The following VDAC1 variants were observed in gnomAD, a reference collection of about 807,000 sequenced individuals.
The protein encoded by VDAC1 is voltage dependent anion channel 1, also known as non-selective voltage-gated ion channel VDAC1.
VDAC1 carries 10 observed loss-of-function variants against 34.7 expected under a neutral mutation model. The observed-to-expected ratio is 0.29, with a 90% CI of 0.18 to 0.49. VDAC1 has a LOEUF of 0.49. Ranked by LOEUF, VDAC1 falls within the 20% of genes least tolerant of loss-of-function variation. VDAC1 has a pLI of 0.99. For missense variants in VDAC1, 230 were observed against 347.9 expected (o/e 0.66, Z 2.69); for synonymous variants, 130 against 136.0 (o/e 0.96, Z 0.30).
chr5:133,985,217 T>C (rs565111114), intron 5 of VDAC1, among the ~76,000 whole-genome samples: 22 of 152,220 alleles, frequency 1.4e-4, no homozygotes, highest in African/African-American at 5.1e-4. Flanking sequence ...CCCTCAGCAG[T>C]TGGGAGTAGG....
At chr5:134,080,177 G>A in the VDAC1 span, among the ~76,000 whole-genome samples, 2 of 152,220 alleles carry the variant, frequency 1.3e-5, no homozygotes, top group African/African-American at 2.4e-5. Context: ...ATTTGCCCTC[G>A]ATAAGAACCC....
At position 133,971,951 on chromosome 5, in the gene VDAC1, T is replaced by C. The variant is rs1752310865; in HGVS notation, c.*820A>G. On this transcript the variant is annotated 3_prime_UTR_variant, in exon 9 of 9. Transcript: ENST00000265333. ...TATTTTATTCAAGTTTTTTAAGTGT[T>C]GTTAATTACAGCATTTGAAGGGGAG... 6.5e-6 allele frequency: 1 copy of C among 152,686 alleles called. No individual in the cohort carries two copies. The highest frequency in any genetic ancestry group is 2.4e-5 in the African/African-American group (1 of 41,470). 9.5% of individuals were successfully genotyped at this position (152,686 alleles called of 1,614,324 possible).
the VDAC1 span, among the ~76,000 whole-genome samples, chr5:134,057,459 G>GT: frequency 1.4e-5 from 2 of 143,936 alleles, no homozygotes; most frequent in Non-Finnish European, 3.0e-5. Flanking sequence ...CAGCCTGGGC[G>GT]ACAGAGTGAG....
At chr5:134,070,859 C>A in the VDAC1 span, among the ~76,000 whole-genome samples, 1 of 152,156 alleles carries the variant, frequency 6.6e-6, no homozygotes, top group African/African-American at 2.4e-5. Flanking sequence ...CACGTATCTG[C>A]GATTATTTTC....
chr5:134,058,336 C>T, the VDAC1 span, among the ~76,000 whole-genome samples: 7 of 150,988 alleles, frequency 4.6e-5, no homozygotes, highest in East Asian at 2.0e-4. Context: ...TTTTTTGAGA[C>T]GGAGTCTCAC....
At chr5:134,109,007 A>T in the VDAC1 span, among the ~76,000 whole-genome samples, 2 of 152,196 alleles carry the variant, frequency 1.3e-5, no homozygotes, top group Non-Finnish European at 2.9e-5. Context: ...AGGGTTTCTG[A>T]ACCCCTGGCT....
chr5:133,973,255 CAT>C lies in VDAC1; in HGVS notation c.761-395_761-394del, dbSNP rs577447273. 2.4e-3 allele frequency among the ~76,000 whole-genome samples: 371 copies of C among 152,362 alleles called. 2 individuals are homozygous for C. Among genetic ancestry groups the C allele is most frequent in the African/African-American group, 8.3e-3 (344 of 41,586 alleles). On this transcript the variant is annotated intron_variant, in intron 8 of 8. Transcript: ENST00000265333. ...CATGTTCATGTTCATAGTGTACACA[CAT>C]GTGTAGTGTGCATGTACATCCACAG...
At chr5:134,054,965 C>A in the VDAC1 span, among the ~76,000 whole-genome samples, 1 of 152,224 alleles carries the variant, frequency 6.6e-6, no homozygotes, top group Non-Finnish European at 1.5e-5. Context: ...CCGTCCCCAC[C>A]CAGTGTAACT....
the VDAC1 span, among the ~76,000 whole-genome samples, chr5:134,015,738 G>T: frequency 6.6e-6 from 1 of 151,644 alleles, no homozygotes; most frequent in Non-Finnish European, 1.5e-5. Flanking sequence ...TCCGCCTCCC[G>T]GGTTCAAGCG....
At chr5:133,986,796 C>T (rs1367338751) in intron 5 of VDAC1, among the ~76,000 whole-genome samples, 1 of 152,116 alleles carries the variant, frequency 6.6e-6, no homozygotes, top group Non-Finnish European at 1.5e-5. Context: ...GCGTGGTACA[C>T]TTTCTAAAAC....
chr5:134,097,444 A>T, the VDAC1 span, among the ~76,000 whole-genome samples: 27 of 152,188 alleles, frequency 1.8e-4, no homozygotes, highest in Non-Finnish European at 3.5e-4. Context: ...TTAAAATTAG[A>T]TCATCAAGAA....
chr5:134,028,923 T>C, the VDAC1 span, among the ~76,000 whole-genome samples: 5 of 152,114 alleles, frequency 3.3e-5, no homozygotes, highest in Non-Finnish European at 7.4e-5. Flanking sequence ...ACCACAGCAC[T>C]CTCCTGGATC....
At chr5:134,113,846 A>C in the VDAC1 span, among the ~76,000 whole-genome samples, 1 of 152,354 alleles carries the variant, frequency 6.6e-6, no homozygotes, top group Non-Finnish European at 1.5e-5. Context: ...TGGGCTCCCT[A>C]AATGCGACTT....
the VDAC1 span, among the ~76,000 whole-genome samples, chr5:134,075,512 A>G: frequency 6.6e-6 from 1 of 152,202 alleles, no homozygotes; most frequent in Non-Finnish European, 1.5e-5. Flanking sequence ...TGTTATTCAC[A>G]CTACTATTCA....
the VDAC1 span, among the ~76,000 whole-genome samples, chr5:134,017,087 C>A: frequency 6.6e-6 from 1 of 152,214 alleles, no homozygotes; most frequent in South Asian, 2.1e-4. Context: ...ACCTTCCCTG[C>A]CACAAAATCT....
At chr5:134,098,472 G>T in the VDAC1 span, among the ~76,000 whole-genome samples, 1 of 152,148 alleles carries the variant, frequency 6.6e-6, no homozygotes, top group Admixed American at 6.6e-5. Flanking sequence ...TGATCTGCCT[G>T]CCTCAGCCTC....
chr5:134,112,671 A>C, the VDAC1 span, among the ~76,000 whole-genome samples: 1 of 152,258 alleles, frequency 6.6e-6, no homozygotes, highest in African/African-American at 2.4e-5. Context: ...ATGAAAAAAA[A>C]CACTTGTCCC....
At chr5:134,008,298 A>G (rs138865631), upstream of VDAC1, among the ~76,000 whole-genome samples, 858 of 152,284 alleles carry the variant, frequency 5.6e-3, 5 homozygotes, top group African/African-American at 0.018. Context: ...GCCGGAGACT[A>G]CACCCTGTAC....
At chr5:134,020,227 A>T in the VDAC1 span, among the ~76,000 whole-genome samples, 159 of 152,092 alleles carry the variant, frequency 1.0e-3, no homozygotes, top group African/African-American at 3.7e-3. Flanking sequence ...CAGCATAGTC[A>T]GAGGCAGCAA....
Sources: gnomAD v4.1 joint callset for allele counts (sites outside exome capture counted in the v4.1 genomes callset) on GRCh38, gnomAD v4.1.1 for gene constraint, MANE v1.5 for transcripts, NCBI Gene and HGNC (gene_info 2026-07-23, HGNC 2026-07-21) for gene names.